Variants in ADGRV1 observed in about 807,000 individuals in gnomAD.
The protein encoded by ADGRV1 is adhesion G protein-coupled receptor V1.
Under a neutral mutation model 596.2 loss-of-function variants are expected in ADGRV1, and 359 were observed. The observed-to-expected ratio is 0.60, with a 90% CI of 0.55 to 0.66. The LOEUF is 0.66. Ranked by LOEUF, ADGRV1 falls within the 30% of genes least tolerant of loss-of-function variation. The pLI, the probability that ADGRV1 is intolerant of heterozygous loss-of-function variation, is 0.00. For missense variants in ADGRV1, 7,274 were observed against 7,575.6 expected, an observed-to-expected ratio of 0.96 and a Z score of 1.48; for synonymous variants, 2,681 against 2,679.2, an observed-to-expected ratio of 1.00 and a Z score of -0.02.
At chr5:90,928,037 C>T (rs56908576) in intron 83 of ADGRV1, among the ~76,000 whole-genome samples, 42,219 of 151,874 alleles carry the variant, frequency 0.28, 6,398 homozygotes, top group Non-Finnish European at 0.34. Flanking sequence ...GAGGGTAACC[C>T]GACCTTTCTC....
chr5:90,655,735 C>T lies in ADGRV1; in HGVS notation c.4378+1783C>T, dbSNP rs914769731. 5 of 152,110 alleles carry T rather than the reference C, an allele frequency of 3.3e-5. No homozygotes were observed. The East Asian group carries it at 9.7e-4, about 29-fold the overall frequency. The allele number at this position is 152,110 out of a possible 1,614,324, so 9.4% of individuals were successfully genotyped here. On this transcript the variant is annotated intron_variant, in intron 20 of 89. Transcript: ENST00000405460. Reference sequence around the variant, plus strand: ...CTTTACTTTTGGTTTGTAGTGGCATCTCACAGTATCATAAAAGGTGTATTT... The same window carrying T: ...CTTTACTTTTGGTTTGTAGTGGCATTTCACAGTATCATAAAAGGTGTATTT...
In ADGRV1 at chr5:91,021,191, C is replaced by T. The variant is rs148887475; in HGVS notation, c.18152+35669C>T. ...TGCTAAAGGAAAATATTTTATCTAA[C>T]CTCATTTTTGTATTATTTCTAGAAT... On this transcript the variant is annotated intron_variant, in intron 85 of 89. Transcript: ENST00000405460. 3.2e-3 allele frequency among the ~76,000 whole-genome samples: 482 copies of T among 152,126 alleles called. 3 individuals carry two copies. Among genetic ancestry groups the T allele is most frequent in the African/African-American group, 0.011 (447 of 41,530 alleles).
chr5:90,783,488 AG>A (rs1759084289), intron 66 of ADGRV1, among the ~76,000 whole-genome samples, 163 bp downstream of exon 66: 1 of 151,696 alleles, frequency 6.6e-6, no homozygotes, highest in Non-Finnish European at 1.5e-5. Flanking sequence ...AAGAGGGGCT[AG>A]GAGACGATGT....
At chr5:90,905,294 G>C (rs1360420894) in intron 83 of ADGRV1, among the ~76,000 whole-genome samples, 1 of 151,952 alleles carries the variant, frequency 6.6e-6, no homozygotes, top group Non-Finnish European at 1.5e-5. Context: ...ATTTTCGTAG[G>C]AATTGCATTC....
intron 78 of ADGRV1, among the ~76,000 whole-genome samples, chr5:90,847,268 C>T (rs1023755404): frequency 6.6e-6 from 1 of 151,928 alleles, no homozygotes; most frequent in Non-Finnish European, 1.5e-5. Flanking sequence ...CTCCAAGTCC[C>T]CACCAGATTA....
chr5:90,932,145 A>G (rs1482619300), intron 83 of ADGRV1, among the ~76,000 whole-genome samples: 1 of 152,170 alleles, frequency 6.6e-6, no homozygotes, highest in Non-Finnish European at 1.5e-5. Flanking sequence ...CAGGTGAGAG[A>G]ATTCAAGGAA....
intron 29 of ADGRV1, among the ~76,000 whole-genome samples, chr5:90,688,943 A>G (rs1040597042): frequency 6.6e-6 from 1 of 152,170 alleles, no homozygotes; most frequent in African/African-American, 2.4e-5. Flanking sequence ...AGTATTAACT[A>G]TTTTATATAT....
chr5:90,596,382 CGG>C (rs1480535534), intron 1 of ADGRV1, among the ~76,000 whole-genome samples: 1 of 150,904 alleles, frequency 6.6e-6, no homozygotes, highest in South Asian at 2.1e-4. Flanking sequence ...ACTTCCCAGA[CGG>C]GGTGGCGGCC....
rs67788749 is a variant in ADGRV1 at position 90,831,217 on chromosome 5, ATCTC to A, written c.16611+2047_16611+2050del. On this transcript the variant is annotated intron_variant, in intron 77 of 89. Transcript: ENST00000405460. ...GAGCTAATTTCTTACCTTATAATAAATCTCTCTCTCTCTCTCTCTATATATATAT... is the reference window on the plus strand; with the variant it reads ...GAGCTAATTTCTTACCTTATAATAAATCTCTCTCTCTCTCTATATATATAT... 5.1e-3 allele frequency among the ~76,000 whole-genome samples: 765 copies of A among 150,376 alleles called. 7 individuals are homozygous for A. The highest frequency in any genetic ancestry group is 0.015 in the African/African-American group (619 of 40,954).
chr5:90,953,160 C>T (rs1284988690), intron 83 of ADGRV1, among the ~76,000 whole-genome samples: 2 of 152,202 alleles, frequency 1.3e-5, no homozygotes, highest in East Asian at 1.9e-4. Flanking sequence ...CAGAAGTTTT[C>T]GTAAAGCAGC....
chr5:90,683,537 C>G (rs1163108503), intron 27 of ADGRV1, 49 bp from the exon 28 acceptor site: 1 of 1,401,446 alleles, frequency 7.1e-7, no homozygotes, highest in Admixed American at 2.4e-5. Flanking sequence ...CTCTAAGTAA[C>G]TGGCTTTAAT....
At chr5:90,815,782 T>G (rs759519459) in intron 75 of ADGRV1, 46 bp downstream of exon 75, 54 of 1,062,368 alleles carry the variant, frequency 5.1e-5, no homozygotes, top group Non-Finnish European at 7.0e-5. Context: ...TCTGTGTGTC[T>G]GTACAAATGT....
At chr5:90,918,596 T>G (rs1773593447) in intron 83 of ADGRV1, among the ~76,000 whole-genome samples, 1 of 152,220 alleles carries the variant, frequency 6.6e-6, no homozygotes, top group Admixed American at 6.5e-5. Context: ...AGTTTCTTAA[T>G]GTCTGTGTGC....
intron 85 of ADGRV1, among the ~76,000 whole-genome samples, chr5:91,050,726 G>A (rs569614643): frequency 2.0e-5 from 3 of 152,272 alleles, no homozygotes; most frequent in Non-Finnish European, 4.4e-5. Context: ...CAGGCATGGT[G>A]GTGTGTGCCT....
In ADGRV1 at chr5:91,053,669, G is replaced by A. The variant is rs561512780; in HGVS notation, c.18153-18778G>A. Among the ~76,000 whole-genome samples the A allele has an allele frequency of 3.3e-5, 5 of 152,150 alleles. 1 individual carries two copies. The South Asian group carries it at 6.2e-4, about 19-fold the overall frequency. ...TCCTTCTTGATTCTAATCTCATCTC[G>A]TTCTTGGCAAATAAGATTTCACTGT... On this transcript the variant is annotated intron_variant, in intron 85 of 89. Transcript: ENST00000405460.
chr5:90,949,733 T>C (rs1581606962), intron 83 of ADGRV1, among the ~76,000 whole-genome samples: 1 of 152,166 alleles, frequency 6.6e-6, no homozygotes, highest in Non-Finnish European at 1.5e-5. Flanking sequence ...TATTCTGAAA[T>C]GCTTTTGAAT....
At chr5:90,821,824 TCAGA>T (rs953887927) in intron 75 of ADGRV1, among the ~76,000 whole-genome samples, 1 of 151,984 alleles carries the variant, frequency 6.6e-6, no homozygotes, top group Non-Finnish European at 1.5e-5. Context: ...TTCAAAGCTG[TCAGA>T]CAGGGACATT....
At chr5:91,150,362 G>A (rs1795951395) in intron 88 of ADGRV1, 141 bp downstream of exon 88, 1 of 609,842 alleles carries the variant, frequency 1.6e-6, no homozygotes, top group Non-Finnish European at 2.5e-6. Context: ...CACACTAGGT[G>A]ACTTTTAAAT....
Position 90,848,715 on chromosome 5 carries a change from A to T in ADGRV1, c.17098A>T (p.Asn5700Tyr). 6 of 1,588,632 alleles carry T rather than the reference A, an allele frequency of 3.8e-6. No homozygotes were observed. Among genetic ancestry groups the T allele is most frequent in the Non-Finnish European group, 5.1e-6 (6 of 1,170,140 alleles). The part of the protein sequence containing the change: ...LFYEILCSLI[N>Y]PKRKDTRGFS... ...CTATGAGATTCTTTGTTCTCTTATT[A>T]ACCCAAAGCGCAAGGACACTAGGGG... The change falls in exon 79 of 90, where the codon AAC becomes TAC. Residue 5700 changes from asparagine to tyrosine, a missense_variant. Asn to Tyr is a moderately radical substitution (Grantham distance 143). Around this residue, in one of 5 missense-constraint regions of ADGRV1, gnomAD observed 1,874 missense variants for 1,970.2 expected, o/e 0.95. Coordinates refer to ENST00000405460, the MANE Select transcript of ADGRV1 (RefSeq NM_032119.4).
Sources: allele counts gnomAD v4.1 joint callset (sites outside exome capture counted in the v4.1 genomes callset), GRCh38; gene constraint gnomAD v4.1.1; regional missense constraint gnomAD v4.1.1; transcripts MANE v1.5; gene names NCBI Gene and HGNC (gene_info 2026-07-23, HGNC 2026-07-21).